Variants in WTAP observed in about 807,000 individuals in gnomAD.
The protein encoded by WTAP is WT1 associated protein, also known as pre-mRNA-splicing regulator WTAP.
In WTAP, 8 loss-of-function variants were observed where a neutral mutation model predicts 50.0. The observed-to-expected ratio is 0.16, with a 90% CI of 0.09 to 0.29. The LOEUF is 0.29. Among genes scored for constraint, WTAP ranks in the 10% least tolerant of loss-of-function variants. WTAP has a pLI of 1.00. For missense variants in WTAP, 295 were observed against 470.7 expected, an observed-to-expected ratio of 0.63 and a Z score of 3.45; for synonymous variants, 194 against 169.0, an observed-to-expected ratio of 1.15 and a Z score of -1.15.
chr6:159,740,798 G>A (rs950854004), intron 3 of WTAP, among the ~76,000 whole-genome samples: 2 of 151,332 alleles, frequency 1.3e-5, no homozygotes, highest in African/African-American at 4.9e-5. Flanking sequence ...CCGCCTCCCG[G>A]TCAAGCGGTT....
Position 159,748,929 on chromosome 6 carries a change from A to G in WTAP, c.452+560A>G. On this transcript the variant is annotated intron_variant, in intron 6 of 7. Transcript: ENST00000621533. The surrounding 1 kb of genome is among the most constrained non-coding windows in gnomAD (Gnocchi z 5.6). Reference sequence around the variant, plus strand: ...TGTTGAACTTCTGGGTCAAAACTCAAATGAGGTGAATTTTGCCTTTAAAGG... The same window carrying G: ...TGTTGAACTTCTGGGTCAAAACTCAGATGAGGTGAATTTTGCCTTTAAAGG... 8.8e-7 allele frequency: 1 copy of G among 1,140,754 alleles called. No homozygotes were observed. The highest frequency in any genetic ancestry group is 1.1e-6 in the Non-Finnish European group (1 of 930,536). 70.7% of individuals were successfully genotyped at this position (1,140,754 alleles called of 1,614,324 possible). A position where few individuals can be genotyped will look rare whatever the true frequency, so the allele number is the denominator to read the frequency against.
intron 3 of WTAP, 132 bp downstream of exon 3, chr6:159,739,177 G>C: frequency 1.5e-6 from 1 of 688,530 alleles, no homozygotes; most frequent in Non-Finnish European, 2.3e-6. Context: ...TGTACTTTTT[G>C]AGCATACTAT....
intron 5 of WTAP, among the ~76,000 whole-genome samples, chr6:159,747,321 T>A (rs1779631298): frequency 6.6e-6 from 1 of 152,140 alleles, no homozygotes; most frequent in Non-Finnish European, 1.5e-5. Flanking sequence ...TGGAAAAAGC[T>A]CTAGACTGGG....
At chr6:159,734,127 G>T (rs528247852) in intron 1 of WTAP, among the ~76,000 whole-genome samples, 1 of 152,232 alleles carries the variant, frequency 6.6e-6, no homozygotes, top group Non-Finnish European at 1.5e-5. Context: ...TCCTTTTGAG[G>T]AATCTCAAAA....
At chr6:159,749,241 A>C in intron 6 of WTAP, 1 of 985,836 alleles carries the variant, frequency 1.0e-6, no homozygotes, top group Non-Finnish European at 1.2e-6. Context: ...TAAGGATATT[A>C]GCTGTGATGA....
Position 159,755,760 on chromosome 6 carries a change from C to CTTTTTTTT in WTAP, c.*153_*154insTTTTTTTT, listed in dbSNP as rs1779984995. On this transcript the variant is annotated 3_prime_UTR_variant, in exon 8 of 8. Coordinates refer to ENST00000621533, the MANE Select transcript of WTAP (RefSeq NM_001270531.2). ...TGTTTTTTTTCTTTGTTTTTTTTTT[C>CTTTTTTTT]TTTTCTTTTTTTTTTTTTTTTTTTT... The CTTTTTTTT allele has an allele frequency of 3.5e-5, 10 of 283,670 alleles. No homozygotes were observed. Among genetic ancestry groups the CTTTTTTTT allele is most frequent in the African/African-American group, 1.5e-4 (3 of 19,984 alleles). The allele number at this position is 283,670 out of a possible 1,614,324, so 17.6% of individuals were successfully genotyped here.
At chr6:159,728,103 A>G (rs780862169) in intron 1 of WTAP, among the ~76,000 whole-genome samples, 18 of 152,224 alleles carry the variant, frequency 1.2e-4, no homozygotes, top group Non-Finnish European at 2.4e-4. Context: ...GGAAAAAAAG[A>G]AACATTCGTT....
intron 2 of WTAP, among the ~76,000 whole-genome samples, chr6:159,736,916 A>C (rs1288210517): frequency 6.6e-6 from 1 of 152,182 alleles, no homozygotes; most frequent in African/African-American, 2.4e-5. Context: ...AGCTTACTAA[A>C]CTTAATATTT....
intron 2 of WTAP, among the ~76,000 whole-genome samples, chr6:159,736,991 A>G (rs1451092459): frequency 2.0e-5 from 3 of 152,222 alleles, no homozygotes; most frequent in African/African-American, 7.2e-5. Context: ...TTAAATGAAT[A>G]AAGGATTGTA....
At chr6:159,751,298 A>ATTT (rs1392883296) in intron 6 of WTAP, among the ~76,000 whole-genome samples, 2 of 152,174 alleles carry the variant, frequency 1.3e-5, no homozygotes, top group African/African-American at 4.8e-5. Flanking sequence ...AATTTGTGAC[A>ATTT]TTTTTATATG....
At chr6:159,751,971 A>AAT (rs1176257368) in intron 6 of WTAP, among the ~76,000 whole-genome samples, 1 of 151,412 alleles carries the variant, frequency 6.6e-6, no homozygotes, top group Non-Finnish European at 1.5e-5. Flanking sequence ...CTGAGGTGGG[A>AAT]GGATCACCTG....
intron 3 of WTAP, chr6:159,741,626 A>G (rs566628676): frequency 1.3e-5 from 2 of 155,858 alleles, no homozygotes; most frequent in African/African-American, 2.4e-5. Flanking sequence ...AACCTTCTCT[A>G]TATATCTCTT....
intron 2 of WTAP, 122 bp downstream of exon 2, chr6:159,736,417 G>A (rs540460170): frequency 2.5e-6 from 2 of 799,150 alleles, no homozygotes; most frequent in African/African-American, 3.5e-5. Flanking sequence ...TCATTTCTTT[G>A]CCTTTATAAC....
chr6:159,745,304 T>C (rs1583095824), intron 5 of WTAP: 1 of 152,230 alleles, frequency 6.6e-6, no homozygotes, highest in African/African-American at 2.4e-5. Context: ...TGATTCTCCA[T>C]CTGTCCTATA....
In WTAP at chr6:159,736,247, T is replaced by A; in HGVS notation, c.-8-11T>A. 2 of 1,588,222 alleles carry A rather than the reference T, an allele frequency of 1.3e-6. No homozygotes were observed. The highest frequency in any genetic ancestry group is 1.7e-6 in the Non-Finnish European group (2 of 1,166,496). Reference sequence around the variant, plus strand: ...TAAATTGAACTTGTTTTCCGCAACTTTTTTTTTTAGGATTCAAGATGACCA... The same window carrying A: ...TAAATTGAACTTGTTTTCCGCAACTATTTTTTTTAGGATTCAAGATGACCA... On this transcript the variant is annotated splice_polypyrimidine_tract_variant and intron_variant, in intron 1 of 7. Coordinates refer to ENST00000621533, the MANE Select transcript of WTAP (RefSeq NM_001270531.2).
chr6:159,742,002 A>G, intron 3 of WTAP, 86 bp from the exon 4 acceptor site: 3 of 1,011,762 alleles, frequency 3.0e-6, no homozygotes, highest in Middle Eastern at 2.9e-4. Context: ...CAGTATTACT[A>G]AAATCTGTGA....
At chr6:159,746,809 C>T (rs959729421) in intron 5 of WTAP, among the ~76,000 whole-genome samples, 2 of 152,178 alleles carry the variant, frequency 1.3e-5, no homozygotes, top group South Asian at 2.1e-4. Context: ...TCAGTGTTCT[C>T]TTCCCTAGAA....
In WTAP at chr6:159,755,234, C is replaced by T. The variant is rs749485411; in HGVS notation, c.814C>T (p.Arg272Cys). 6.2e-6 allele frequency: 10 copies of T among 1,613,988 alleles called. No individual in the cohort carries two copies. In the East Asian group the frequency reaches 8.9e-5, roughly 14 times the overall value. Residue 272 changes from arginine (R) to cysteine (C), a missense_variant, in exon 8 of 8, where the codon CGT becomes TGT. Around this residue, in one of 2 missense-constraint regions of WTAP, gnomAD observed 175 missense variants for 183.1 expected, o/e 0.96. Coordinates refer to ENST00000621533, the MANE Select transcript of WTAP (RefSeq NM_001270531.2). ...QSEATSKDCS[R>C]LTNGPSNGSS... ...AGAGGCCACAAGTAAAGACTGCAGT[C>T]GTCTGACAAACGGACCAAGTAATGG...
At chr6:159,729,497 A>G (rs983367187) in intron 1 of WTAP, among the ~76,000 whole-genome samples, 1 of 152,216 alleles carries the variant, frequency 6.6e-6, no homozygotes, top group African/African-American at 2.4e-5. Flanking sequence ...TTGAAGATGT[A>G]GTTAATAGAA....
Sources: allele counts gnomAD v4.1 joint callset (sites outside exome capture counted in the v4.1 genomes callset), GRCh38; gene constraint gnomAD v4.1.1; regional missense constraint gnomAD v4.1.1; non-coding constraint Gnocchi (gnomAD v3.1); transcripts MANE v1.5; gene names NCBI Gene and HGNC (gene_info 2026-07-23, HGNC 2026-07-21).